Variants in CLTCL1 observed in about 807,000 individuals in gnomAD.
CLTCL1 encodes the protein clathrin heavy chain like 1, also known as clathrin heavy chain 2.
In CLTCL1, 159 loss-of-function variants were observed where a neutral mutation model predicts 190.0. The ratio of observed to expected loss-of-function variants is 0.84; its 90% CI spans 0.74 to 0.95. CLTCL1 has a LOEUF of 0.95. Among genes scored for constraint, CLTCL1 ranks in the 40% least tolerant of loss-of-function variants. The pLI is 0.00. For synonymous variants in CLTCL1, 752 were observed against 769.6 expected, an observed-to-expected ratio of 0.98 and a Z score of 0.38; for missense variants, 1,878 against 2,033.4, an observed-to-expected ratio of 0.92 and a Z score of 1.47.
intron 27 of CLTCL1, among the ~76,000 whole-genome samples, chr22:19,189,910 AT>A (rs1555930546): frequency 6.6e-6 from 1 of 152,220 alleles, no homozygotes; most frequent in Non-Finnish European, 1.5e-5. Flanking sequence ...TGTTGGGAAC[AT>A]TTCAAATCTT....
chr22:19,214,935 G>C (rs1266786987), intron 19 of CLTCL1, among the ~76,000 whole-genome samples: 3 of 152,200 alleles, frequency 2.0e-5, no homozygotes, highest in Admixed American at 2.0e-4. Context: ...GGGATTACAG[G>C]CGTGAGCCAC....
intron 27 of CLTCL1, among the ~76,000 whole-genome samples, chr22:19,188,614 CTTTTTT>C (rs1195452293): frequency 8.8e-5 from 12 of 137,046 alleles, no homozygotes; most frequent in Admixed American, 6.0e-4. Flanking sequence ...ATTTCTTTTT[CTTTTTT>C]TTTTTTTTTT....
intron 24 of CLTCL1, among the ~76,000 whole-genome samples, chr22:19,199,028 C>G (rs782449956): frequency 4.6e-5 from 7 of 152,192 alleles, no homozygotes; most frequent in Non-Finnish European, 7.3e-5. Flanking sequence ...TCTGGACACT[C>G]TGGCGCTGGT....
In CLTCL1 at chr22:19,242,774, C is replaced by T. The variant is rs782523388; in HGVS notation, c.681+1G>A. 13 of 1,613,820 alleles carry T rather than the reference C, an allele frequency of 8.1e-6. No individual in the cohort carries two copies. The highest frequency in any genetic ancestry group is 3.3e-5 in the Admixed American group (2 of 59,990). On this transcript the variant is annotated splice_donor_variant, in intron 4 of 32. Coordinates refer to ENST00000427926, the MANE Select transcript of CLTCL1 (RefSeq NM_007098.4). LOFTEE classifies it high-confidence loss of function. ...GGAGAAGACAGTAGAGTGGATCTTA[C>T]CTTGCCTCCTGTGGGATTACGTACA...
chr22:19,237,797 C>T (rs551164736), intron 5 of CLTCL1, among the ~76,000 whole-genome samples: 1 of 152,284 alleles, frequency 6.6e-6, no homozygotes, highest in African/African-American at 2.4e-5. Context: ...TCATAAGAGT[C>T]CATCTGTATA....
rs2084884993 is a variant in CLTCL1, at chr22:19,201,504, T to C, written c.3601-11A>G. 3 of 1,606,064 alleles carry C rather than the reference T, an allele frequency of 1.9e-6. No homozygotes were observed. Among genetic ancestry groups the C allele is most frequent in the Middle Eastern group, 1.7e-4 (1 of 6,054 alleles). Reference sequence around the variant, plus strand: ...ACAGCGGTCTCCAACCTACGGATAATAGGGTAGCTCGACTGAGACACTCTT... The same window carrying C: ...ACAGCGGTCTCCAACCTACGGATAACAGGGTAGCTCGACTGAGACACTCTT... On this transcript the variant is annotated splice_polypyrimidine_tract_variant and intron_variant, in intron 22 of 32. Coordinates refer to ENST00000427926, the MANE Select transcript of CLTCL1 (RefSeq NM_007098.4).
chr22:19,217,321 T>C (rs918916520), intron 18 of CLTCL1, among the ~76,000 whole-genome samples: 1 of 152,096 alleles, frequency 6.6e-6, no homozygotes, highest in African/African-American at 2.4e-5. Flanking sequence ...CTGTCAATTC[T>C]TGAAAACCTT....
chr22:19,243,697 C>CTTTTTTTTTTTTTTTTT (rs1175325908), intron 3 of CLTCL1, among the ~76,000 whole-genome samples: 1 of 107,896 alleles, frequency 9.3e-6, no homozygotes. Context: ...TTCTTTCTTT[C>CTTTTTTTTTTTTTTTTT]TTTTTTTTTT....
In CLTCL1 at chr22:19,219,977, C is replaced by T. The variant is rs1555951472; in HGVS notation, c.2827G>A (p.Glu943Lys). 4 of 1,613,920 alleles carry T rather than the reference C, an allele frequency of 2.5e-6. No homozygotes were observed. The highest frequency in any genetic ancestry group is 2.2e-5 in the East Asian group (1 of 44,900). Residue 943 changes from glutamate to lysine, a missense_variant, in exon 18 of 33, where the codon GAG becomes AAG. Glu to Lys is a moderately conservative substitution (Grantham distance 56, BLOSUM62 1). Coordinates refer to ENST00000427926, the MANE Select transcript of CLTCL1 (RefSeq NM_007098.4). ...TTTCTGCATACCAGGTAGCGGGCCT[C>T]GCTTTTGAACAGAGAATTCTCATTG... ...VCNENSLFKS[E>K]ARYLVCRKDP... is the part of the protein sequence containing the mutation.
chr22:19,236,305 G>A (rs905472416), intron 5 of CLTCL1, among the ~76,000 whole-genome samples: 11 of 152,184 alleles, frequency 7.2e-5, no homozygotes, highest in Non-Finnish European at 1.0e-4. Context: ...CAGGTAGAGC[G>A]ATCCTTTCAC....
chr22:19,234,367 G>A lies in CLTCL1; in HGVS notation c.1167+142C>T, dbSNP rs2086011785. On this transcript the variant is annotated intron_variant, in intron 7 of 32. Transcript: ENST00000427926. ...TACTTCCTTTACTGTTATGCCATTGGTGCAAAAATTTTAAACTAAAAACTC... is the reference window on the plus strand; with the variant it reads ...TACTTCCTTTACTGTTATGCCATTGATGCAAAAATTTTAAACTAAAAACTC... 5 of 717,866 alleles carry A rather than the reference G, an allele frequency of 7.0e-6. No homozygotes were observed. In the East Asian group the frequency reaches 8.5e-5, roughly 12 times the overall value. The allele number at this position is 717,866 out of a possible 1,614,324, so 44.5% of individuals were successfully genotyped here. A position where few individuals can be genotyped will look rare whatever the true frequency, so the allele number is the denominator to read the frequency against.
chr22:19,232,344 A>AT (rs1243671811), intron 10 of CLTCL1, 132 bp downstream of exon 10: 2 of 1,266,846 alleles, frequency 1.6e-6, no homozygotes, highest in South Asian at 1.4e-5. Context: ...AGTACACTAG[A>AT]TTTTTTAAAA....
intron 3 of CLTCL1, among the ~76,000 whole-genome samples, chr22:19,252,167 G>A (rs999051066): frequency 1.3e-5 from 2 of 152,040 alleles, no homozygotes; most frequent in African/African-American, 4.8e-5. Context: ...CTTTCAACTA[G>A]TCTCCTGGCC....
intron 2 of CLTCL1, among the ~76,000 whole-genome samples, chr22:19,274,483 T>G (rs2087429887): frequency 6.6e-6 from 1 of 152,204 alleles, no homozygotes; most frequent in Admixed American, 6.5e-5. Context: ...CACTATATGT[T>G]CAAATAATTA....
chr22:19,222,944 T>A, intron 14 of CLTCL1, 135 bp from the exon 15 acceptor site: 1 of 1,030,250 alleles, frequency 9.7e-7, no homozygotes, highest in Non-Finnish European at 1.4e-6. Context: ...GAGACTGCTC[T>A]AAATAGGCTG....
intron 26 of CLTCL1, among the ~76,000 whole-genome samples, chr22:19,194,136 C>T (rs572910429): frequency 6.6e-6 from 1 of 152,258 alleles, no homozygotes; most frequent in South Asian, 2.1e-4. Context: ...CTGATTGGTG[C>T]ATTTACAATC....
At chr22:19,241,175 C>T (rs1322390198) in intron 4 of CLTCL1, among the ~76,000 whole-genome samples, 1 of 152,228 alleles carries the variant, frequency 6.6e-6, no homozygotes, top group Non-Finnish European at 1.5e-5. Flanking sequence ...GAGGGGCATG[C>T]CCACCAGAAA....
chr22:19,282,557 A>T (rs1455711205), intron 1 of CLTCL1, among the ~76,000 whole-genome samples: 2 of 150,546 alleles, frequency 1.3e-5, no homozygotes, highest in Non-Finnish European at 3.0e-5. Context: ...AGAACCCAGG[A>T]GGTGGAGGCT....
At chr22:19,243,694 TTTC>T (rs200603953) in intron 3 of CLTCL1, among the ~76,000 whole-genome samples, 68 of 112,916 alleles carry the variant, frequency 6.0e-4, no homozygotes, top group Middle Eastern at 4.5e-3. Flanking sequence ...TCTTTCTTTC[TTTC>T]TTTTTTTTTT....
Sources: gnomAD v4.1 joint callset for allele counts (sites outside exome capture counted in the v4.1 genomes callset) on GRCh38, gnomAD v4.1.1 for gene constraint, MANE v1.5 for transcripts, NCBI Gene and HGNC (gene_info 2026-07-23, HGNC 2026-07-21) for gene names.